CACNB2: variants seen among roughly 807,000 people sequenced by gnomAD.
The protein encoded by CACNB2 is voltage-dependent L-type calcium channel subunit beta-2.
In CACNB2, 42 loss-of-function variants were observed where a neutral mutation model predicts 73.3. The observed-to-expected ratio is 0.57, with a 90% CI of 0.45 to 0.74. CACNB2 has a LOEUF of 0.74. Among genes scored for constraint, CACNB2 ranks in the 30% least tolerant of loss-of-function variants. The pLI is 0.00. For missense variants in CACNB2, 940 were observed against 853.0 expected (o/e 1.10, Z -1.27); for synonymous variants, 348 against 310.3 (o/e 1.12, Z -1.28).
intron 1 of CACNB2, 176 bp downstream of exon 1, chr10:18,141,032 T>C: frequency 6.5e-7 from 1 of 1,542,084 alleles, no homozygotes; most frequent in Admixed American, 2.0e-5. Flanking sequence ...TTGCGCCTTT[T>C]CCTGGCTCTG....
intron 2 of CACNB2, among the ~76,000 whole-genome samples, chr10:18,164,954 T>C (rs949415699): frequency 6.6e-6 from 1 of 152,186 alleles, no homozygotes; most frequent in Admixed American, 6.5e-5. Flanking sequence ...TCATTTTTTT[T>C]CACCAACATA....
chr10:18,230,380 C>CAT (rs1554774110), intron 2 of CACNB2, among the ~76,000 whole-genome samples: 3 of 151,878 alleles, frequency 2.0e-5, no homozygotes, highest in African/African-American at 7.3e-5. Flanking sequence ...TTCCCTCGAT[C>CAT]TTTTTTTTGT....
At chr10:18,498,230 C>A in intron 3 of CACNB2, 125 bp from the exon 4 acceptor site, 3 of 1,134,526 alleles carry the variant, frequency 2.6e-6, no homozygotes, top group South Asian at 2.7e-5. Context: ...TGATAAAGAA[C>A]CAGTGCAGAG....
At chr10:18,158,886 G>T (rs930110930) in intron 2 of CACNB2, among the ~76,000 whole-genome samples, 1 of 152,110 alleles carries the variant, frequency 6.6e-6, no homozygotes, top group Admixed American at 6.5e-5. Context: ...TGCTGCCAAG[G>T]TCAGGGAAAA....
At chr10:18,425,938 G>A (rs944411074) in intron 3 of CACNB2, among the ~76,000 whole-genome samples, 3 of 152,078 alleles carry the variant, frequency 2.0e-5, no homozygotes, top group Non-Finnish European at 2.9e-5. Context: ...TTCCACATAT[G>A]AGTAGGTCTG....
intron 2 of CACNB2, among the ~76,000 whole-genome samples, chr10:18,160,481 G>T (rs1005724067): frequency 2.6e-5 from 4 of 151,792 alleles, no homozygotes; most frequent in Non-Finnish European, 4.4e-5. Context: ...ACCATATAAA[G>T]TCTTAGAAGT....
chr10:18,253,992 G>A (rs1028514162), intron 2 of CACNB2, among the ~76,000 whole-genome samples: 1 of 152,196 alleles, frequency 6.6e-6, no homozygotes, highest in Non-Finnish European at 1.5e-5. Context: ...ACGAAGCTGA[G>A]GGATATAGGT....
At chr10:18,538,481 T>C in intron 13 of CACNB2, 116 bp downstream of exon 13, 1 of 862,320 alleles carries the variant, frequency 1.2e-6, no homozygotes, top group South Asian at 1.5e-5. Context: ...TTCTAGTATA[T>C]TAACTCAAAG....
intron 2 of CACNB2, among the ~76,000 whole-genome samples, chr10:18,336,366 T>G (rs1216278367): frequency 6.6e-6 from 1 of 152,176 alleles, no homozygotes; most frequent in Non-Finnish European, 1.5e-5. Context: ...GATGCTGTAA[T>G]CCCACACTTT....
At chr10:18,290,200 G>T (rs2039008241) in intron 2 of CACNB2, among the ~76,000 whole-genome samples, 1 of 108,914 alleles carries the variant, frequency 9.2e-6, no homozygotes, top group African/African-American at 3.6e-5. Flanking sequence ...GCTAATTTTT[G>T]TATTTTTATA....
intron 10 of CACNB2, among the ~76,000 whole-genome samples, chr10:18,528,204 T>G (rs1279925507): frequency 6.6e-6 from 1 of 152,216 alleles, no homozygotes; most frequent in East Asian, 1.9e-4. Flanking sequence ...GGTGTGGAAA[T>G]TAGTAAAAGA....
chr10:18,511,788 A>ATT (rs879670156), intron 6 of CACNB2, among the ~76,000 whole-genome samples: 14 of 152,308 alleles, frequency 9.2e-5, no homozygotes, highest in Admixed American at 5.9e-4. Flanking sequence ...GGGCACCCAG[A>ATT]TTGAGAAGGG....
intron 3 of CACNB2, among the ~76,000 whole-genome samples, chr10:18,488,291 A>C (rs1257430563): frequency 1.3e-5 from 2 of 150,540 alleles, no homozygotes; most frequent in Non-Finnish European, 3.0e-5. Context: ...CTGGCTAACA[A>C]GGTGAAACCC....
intron 5 of CACNB2, among the ~76,000 whole-genome samples, chr10:18,504,428 TGCTC>T (rs2050376952): frequency 1.3e-5 from 1 of 75,322 alleles, no homozygotes; most frequent in African/African-American, 6.2e-5. Flanking sequence ...TATGTTGTTT[TGCTC>T]TTGCATTTTT....
chr10:18,483,946 A>G (rs569824420), intron 3 of CACNB2, among the ~76,000 whole-genome samples: 3 of 152,340 alleles, frequency 2.0e-5, no homozygotes, highest in South Asian at 2.1e-4. Context: ...CCGCGGTGAC[A>G]AAAGCGAAAA....
intron 2 of CACNB2, among the ~76,000 whole-genome samples, chr10:18,397,793 T>A (rs2043792534): frequency 1.3e-5 from 2 of 150,122 alleles, no homozygotes; most frequent in Admixed American, 1.3e-4. Context: ...AATCCAGTGA[T>A]ATGCAATTTT....
At chr10:18,171,009 T>C (rs1588610949) in intron 2 of CACNB2, among the ~76,000 whole-genome samples, 2 of 152,340 alleles carry the variant, frequency 1.3e-5, no homozygotes, top group East Asian at 3.9e-4. Context: ...CCGTGTGTGC[T>C]CTATTTGGTA....
In CACNB2 at chr10:18,298,592, TTC is replaced by T. The variant is rs550788361; in HGVS notation, c.214-103331_214-103330del. Among the ~76,000 whole-genome samples, 220 of 152,312 alleles carry T rather than the reference TTC, an allele frequency of 1.4e-3. 3 individuals are homozygous for T. The highest frequency in any genetic ancestry group is 5.0e-3 in the African/African-American group (206 of 41,570). Reference sequence around the variant, plus strand: ...CAATGTGTTACCAACTCATAGCCAGTTCCAAGAGATCTGGGTCTATATCCGGT... The same window carrying T: ...CAATGTGTTACCAACTCATAGCCAGTCAAGAGATCTGGGTCTATATCCGGT... On this transcript the variant is annotated intron_variant, in intron 2 of 13. Coordinates refer to ENST00000324631, the MANE Select transcript of CACNB2 (RefSeq NM_201596.3).
At chr10:18,233,935 A>G (rs1201341004) in intron 2 of CACNB2, among the ~76,000 whole-genome samples, 1 of 152,194 alleles carries the variant, frequency 6.6e-6, no homozygotes, top group East Asian at 1.9e-4. Flanking sequence ...AATCTCCAGT[A>G]TGTTCCTGCT....
Sources: allele counts gnomAD v4.1 joint callset (sites outside exome capture counted in the v4.1 genomes callset), GRCh38; gene constraint gnomAD v4.1.1; transcripts MANE v1.5; gene names NCBI Gene and HGNC (gene_info 2026-07-23, HGNC 2026-07-21).